Variants in LOC102723971 observed in about 807,000 individuals in gnomAD.
chr9:135,615,873 A>G, the LOC102723971 span, among the ~76,000 whole-genome samples: 1 of 152,236 alleles, frequency 6.6e-6, no homozygotes, highest in Admixed American at 6.5e-5. Flanking sequence ...CCCCGATGTA[A>G]GCCAGGGAAT....
the LOC102723971 span, chr9:135,619,027 C>G: frequency 2.5e-6 from 1 of 402,496 alleles, no homozygotes; most frequent in Non-Finnish European, 4.4e-6. Context: ...TCCCTTCCAC[C>G]TCCTTCACCT....
chr9:135,616,974 C>A, the LOC102723971 span: 25 of 398,502 alleles, frequency 6.3e-5, no homozygotes, highest in East Asian at 8.2e-4. Context: ...TCTTTACGTG[C>A]GCTTTGAGGA....
the LOC102723971 span, chr9:135,615,535 T>C: frequency 2.5e-6 from 1 of 398,716 alleles, no homozygotes; most frequent in African/African-American, 2.1e-5. Context: ...CAGGCGCTCA[T>C]TCTCAGACCT....
At chr9:135,616,689 G>C in the LOC102723971 span, 1 of 398,720 alleles carries the variant, frequency 2.5e-6, no homozygotes, top group Non-Finnish European at 4.4e-6. Flanking sequence ...GATCTGGGCT[G>C]GGCTCTGAGT....
the LOC102723971 span, among the ~76,000 whole-genome samples, chr9:135,614,742 C>T: frequency 6.6e-5 from 10 of 152,050 alleles, no homozygotes; most frequent in Admixed American, 4.6e-4. Flanking sequence ...CTGGGTGACA[C>T]GAAGAGGCCA....
At chr9:135,618,126 A>T in the LOC102723971 span, 2 of 397,876 alleles carry the variant, frequency 5.0e-6, no homozygotes, top group Non-Finnish European at 8.9e-6. Context: ...CCCAGCCAGC[A>T]CCACTGAGGG....
the LOC102723971 span, among the ~76,000 whole-genome samples, chr9:135,617,266 C>T: frequency 1.2e-4 from 19 of 152,164 alleles, no homozygotes; most frequent in African/African-American, 4.3e-4. Context: ...TGCTACAAGG[C>T]GGGCATTGCT....
the LOC102723971 span, chr9:135,615,437 C>T: frequency 7.5e-6 from 3 of 398,734 alleles, no homozygotes; most frequent in Non-Finnish European, 1.3e-5. Context: ...CCCCCTGAGG[C>T]TCGCTCTCCA....
the LOC102723971 span, chr9:135,617,003 G>A: frequency 1.0e-5 from 4 of 398,686 alleles, no homozygotes; most frequent in East Asian, 1.4e-4. Flanking sequence ...TCACCAACCT[G>A]TGGGTGCTGC....
the LOC102723971 span, among the ~76,000 whole-genome samples, chr9:135,617,287 C>T: frequency 6.6e-6 from 1 of 152,210 alleles, no homozygotes; most frequent in Admixed American, 6.5e-5. Flanking sequence ...CTGGGCGCTG[C>T]ACTGGGAGCT....
the LOC102723971 span, among the ~76,000 whole-genome samples, chr9:135,615,014 A>G: frequency 4.6e-5 from 7 of 152,194 alleles, no homozygotes; most frequent in Non-Finnish European, 1.0e-4. Context: ...CCAAGAAGTA[A>G]GCACAGCTTA....
the LOC102723971 span, among the ~76,000 whole-genome samples, chr9:135,618,763 C>G: frequency 9.2e-5 from 14 of 152,004 alleles, no homozygotes; most frequent in African/African-American, 3.4e-4. Context: ...TGGGTTTCCA[C>G]AGAGCACAGG....
chr9:135,617,074 A>C, the LOC102723971 span: 3 of 398,248 alleles, frequency 7.5e-6, no homozygotes, highest in African/African-American at 4.1e-5. Flanking sequence ...CCCAGACATG[A>C]GGGCGGAGCT....
At chr9:135,618,161 C>T in the LOC102723971 span, 14 of 395,060 alleles carry the variant, frequency 3.5e-5, no homozygotes, top group South Asian at 1.4e-4. Flanking sequence ...ACTCCCCTTA[C>T]GGCCAGGCCT....
At chr9:135,617,837 G>A in the LOC102723971 span, 1 of 396,242 alleles carries the variant, frequency 2.5e-6, no homozygotes, top group Non-Finnish European at 4.4e-6. Context: ...GTGGTGGGGT[G>A]GCCGATGCCC....
At chr9:135,616,748 A>G in the LOC102723971 span, 1 of 398,440 alleles carries the variant, frequency 2.5e-6, no homozygotes. Flanking sequence ...CGGCCGCAAC[A>G]CTCAGAAGGG....
chr9:135,617,902 A>G, the LOC102723971 span: 1 of 398,534 alleles, frequency 2.5e-6, no homozygotes, highest in Non-Finnish European at 4.4e-6. Context: ...CAGAAAAGAC[A>G]GAGGCTCCAG....
the LOC102723971 span, chr9:135,616,838 T>TG: frequency 2.0e-5 from 8 of 398,100 alleles, no homozygotes; most frequent in East Asian, 1.1e-4. Context: ...CCACAGGGCA[T>TG]GGGGGGGTCC....
At chr9:135,614,827 G>A in the LOC102723971 span, among the ~76,000 whole-genome samples, 9 of 152,060 alleles carry the variant, frequency 5.9e-5, no homozygotes, top group East Asian at 1.9e-4. Flanking sequence ...TGGTGGGAGT[G>A]CAGGGATGGA....
Sources: allele counts gnomAD v4.1 joint callset (sites outside exome capture counted in the v4.1 genomes callset), GRCh38; gene constraint gnomAD v4.1.1; transcripts MANE v1.5.